Variants in RNLS observed in about 807,000 individuals in gnomAD.
RNLS encodes renalase.
Under a neutral mutation model 39.8 loss-of-function variants are expected in RNLS, and 39 were observed. The observed-to-expected ratio is 0.98, with a 90% confidence interval of 0.76 to 1.28. RNLS has a LOEUF of 1.28. Ranked by LOEUF, RNLS falls within the 50% of genes most tolerant of loss-of-function variation. The pLI is 0.00. For synonymous variants in RNLS, 147 were observed against 150.7 expected (o/e 0.98, Z 0.18); for missense variants, 410 against 413.3 (o/e 0.99, Z 0.07).
intron 4 of RNLS, among the ~76,000 whole-genome samples, chr10:88,527,630 T>C (rs1399551828): frequency 1.3e-5 from 2 of 152,188 alleles, no homozygotes; most frequent in Non-Finnish European, 2.9e-5. Context: ...TCTTTCCTGA[T>C]TTTCCTTGGT....
downstream of RNLS, among the ~76,000 whole-genome samples, chr10:88,281,810 A>T (rs960029247): frequency 3.3e-5 from 5 of 152,140 alleles, no homozygotes; most frequent in Non-Finnish European, 7.3e-5. Flanking sequence ...AAGTACAAAT[A>T]CTATGAATCA....
chr10:88,381,799 C>G (rs1330549770), intron 4 of RNLS, among the ~76,000 whole-genome samples: 1 of 152,102 alleles, frequency 6.6e-6, no homozygotes, highest in Non-Finnish European at 1.5e-5. Flanking sequence ...GGTTGGTAAA[C>G]TACCATCCAT....
chr10:88,263,539 A>AT, the RNLS span, among the ~76,000 whole-genome samples: 15 of 150,630 alleles, frequency 1.0e-4, no homozygotes, highest in South Asian at 6.3e-4. Context: ...CTTTGTTTTC[A>AT]TTTTTTTTTC....
chr10:88,329,768 G>A (rs11202717), intron 5 of RNLS, among the ~76,000 whole-genome samples: 38,347 of 151,610 alleles, frequency 0.25, 5,080 homozygotes, highest in Non-Finnish European at 0.28. Flanking sequence ...CCTTACATCT[G>A]TGGTTTTTTT....
intron 4 of RNLS, among the ~76,000 whole-genome samples, chr10:88,482,376 T>C (rs959350019): frequency 5.9e-5 from 9 of 152,156 alleles, no homozygotes; most frequent in Admixed American, 5.9e-4. Context: ...ATAATTTCTA[T>C]TGATTTGTCT....
intron 4 of RNLS, among the ~76,000 whole-genome samples, chr10:88,534,685 T>A (rs1183104379): frequency 6.6e-6 from 1 of 152,146 alleles, no homozygotes; most frequent in African/African-American, 2.4e-5. Context: ...TCCTGGACTC[T>A]AAAAAGGCTT....
At chr10:88,309,967 T>C (rs1046986982) in intron 6 of RNLS, among the ~76,000 whole-genome samples, 5 of 152,104 alleles carry the variant, frequency 3.3e-5, no homozygotes, top group African/African-American at 1.2e-4. Context: ...AATCCTAGCA[T>C]TTTGGGAGGC....
intron 4 of RNLS, among the ~76,000 whole-genome samples, chr10:88,494,581 T>C (rs186014578): frequency 3.2e-4 from 49 of 152,302 alleles, no homozygotes; most frequent in African/African-American, 1.1e-3. Context: ...AATTATGTGT[T>C]AAGTTTTTCT....
chr10:88,309,990 A>T (rs1845234794), intron 6 of RNLS, among the ~76,000 whole-genome samples: 1 of 152,184 alleles, frequency 6.6e-6, no homozygotes, highest in Non-Finnish European at 1.5e-5. Flanking sequence ...AGGCAGGCAG[A>T]TCGCTTGAGT....
At chr10:88,575,282 G>A (rs1052106178) in intron 3 of RNLS, among the ~76,000 whole-genome samples, 61 of 135,886 alleles carry the variant, frequency 4.5e-4, no homozygotes, top group South Asian at 2.8e-3. Flanking sequence ...GTGTGTGTGT[G>A]TATATATATA....
intron 4 of RNLS, among the ~76,000 whole-genome samples, chr10:88,400,440 A>T (rs1485533052): frequency 1.3e-5 from 2 of 151,964 alleles, no homozygotes; most frequent in Non-Finnish European, 2.9e-5. Context: ...TCCACTGAAT[A>T]TACTCTTTCC....
chr10:88,545,324 T>C, intron 4 of RNLS: 1 of 353,260 alleles, frequency 2.8e-6, no homozygotes, highest in South Asian at 2.3e-5. Flanking sequence ...TCCATTCTCA[T>C]ACTGCTATGA....
intron 4 of RNLS, among the ~76,000 whole-genome samples, chr10:88,499,156 A>G (rs1388797361): frequency 6.6e-6 from 1 of 152,156 alleles, no homozygotes; most frequent in African/African-American, 2.4e-5. Context: ...GGAGGAGTCC[A>G]TTGTTGCTCA....
intron 4 of RNLS, among the ~76,000 whole-genome samples, chr10:88,571,114 C>T (rs1329290628): frequency 6.6e-6 from 1 of 151,576 alleles, no homozygotes; most frequent in East Asian, 1.9e-4. Flanking sequence ...TTTTGAGTAA[C>T]TGGGATTACA....
chr10:88,520,198 A>G (rs981266067), intron 4 of RNLS, among the ~76,000 whole-genome samples: 7 of 152,018 alleles, frequency 4.6e-5, no homozygotes, highest in African/African-American at 1.7e-4. Flanking sequence ...TTTTCTCTAC[A>G]GTTCTTTCCT....
At chr10:88,216,027 A>T in the RNLS span, among the ~76,000 whole-genome samples, 2 of 152,042 alleles carry the variant, frequency 1.3e-5, no homozygotes, top group Non-Finnish European at 2.9e-5. Flanking sequence ...CTTATTCATT[A>T]CTTAGTCATG....
intron 4 of RNLS, among the ~76,000 whole-genome samples, chr10:88,442,682 C>G (rs74972006): frequency 0.19 from 28,171 of 151,920 alleles, 3,032 homozygotes; most frequent in Non-Finnish European, 0.26. Flanking sequence ...CTTACTTGCC[C>G]CTGAGGATTC....
At chr10:88,579,408 GA>G (rs1436519432) in intron 3 of RNLS, among the ~76,000 whole-genome samples, 1 of 152,106 alleles carries the variant, frequency 6.6e-6, no homozygotes, top group East Asian at 1.9e-4. Flanking sequence ...GGTTTGGGGG[GA>G]AAAGGGGTTC....
chr10:88,337,743 A>G lies in RNLS; in HGVS notation c.701-23102T>C, dbSNP rs545831031. 5.9e-5 allele frequency among the ~76,000 whole-genome samples: 9 copies of G among 152,048 alleles called. No homozygotes were observed. The South Asian group carries it at 1.7e-3, about 28-fold the overall frequency. ...TTTACTCCTGGATTTTTCAGGAACA[A>G]TAATAAGTCTCCCCACTCCTTTTCT... On this transcript the variant is annotated intron_variant, in intron 5 of 6. Coordinates refer to ENST00000331772, the MANE Select transcript of RNLS (RefSeq NM_001031709.3).
Sources: gnomAD v4.1 joint callset for allele counts (sites outside exome capture counted in the v4.1 genomes callset) on GRCh38, gnomAD v4.1.1 for gene constraint, MANE v1.5 for transcripts, NCBI Gene and HGNC (gene_info 2026-07-23, HGNC 2026-07-21) for gene names.